Variants in CDKL5 observed in about 807,000 individuals in gnomAD.
CDKL5 encodes the protein cyclin-dependent kinase-like 5.
In CDKL5, 8 loss-of-function variants were observed where a neutral mutation model predicts 61.7. The observed-to-expected ratio is 0.13, with a 90% confidence interval of 0.08 to 0.23. CDKL5 has a LOEUF of 0.23. Ranked by LOEUF, CDKL5 falls within the 10% of genes least tolerant of loss-of-function variation. The probability of loss-of-function intolerance (pLI) is 1.00; values close to 1 mark genes in which losing one functional copy is unlikely to be tolerated. For synonymous variants in CDKL5, 275 were observed against 272.3 expected (o/e 1.01, Z -0.10); for missense variants, 440 against 734.5 (o/e 0.60, Z 4.63).
chrX:18,641,891 T>G (rs1927588802), downstream of CDKL5: 4 of 830,417 alleles, frequency 4.8e-6, no homozygotes, highest in Non-Finnish European at 7.1e-6. Flanking sequence ...AGCACTGCAG[T>G]TACAATTGCT....
chrX:18,570,672 T>C (rs1925109192), intron 4 of CDKL5, among the ~76,000 whole-genome samples: 1 of 112,093 alleles, frequency 8.9e-6, no homozygotes, highest in African/African-American at 3.2e-5. Flanking sequence ...CAGCTATTCC[T>C]GGATTTCCTT....
At chrX:18,641,953 G>A (rs376894507), downstream of CDKL5, 23 of 1,198,261 alleles carry the variant, frequency 1.9e-5, no homozygotes, top group Non-Finnish European at 2.4e-5. Flanking sequence ...GGTCCCCTAC[G>A]GCCCGCTCTG....
chrX:18,564,147 A>G (rs1349003749), intron 3 of CDKL5, among the ~76,000 whole-genome samples: 1 of 111,805 alleles, frequency 8.9e-6, no homozygotes, highest in African/African-American at 3.3e-5. Context: ...GGCAGTACAG[A>G]TGACAGTCTG....
intron 1 of CDKL5, among the ~76,000 whole-genome samples, chrX:18,437,051 C>T (rs1931627723): frequency 9.1e-6 from 1 of 110,475 alleles, no homozygotes; most frequent in African/African-American, 3.3e-5. Flanking sequence ...TGTCCTAAAT[C>T]TCCTGGGAAA....
chrX:18,493,936 G>A (rs1922075136), intron 1 of CDKL5, among the ~76,000 whole-genome samples: 1 of 111,684 alleles, frequency 9.0e-6, no homozygotes, highest in Non-Finnish European at 1.9e-5. Flanking sequence ...ATTTTATTGA[G>A]GCAGGGTCTT....
In CDKL5 at chrX:18,632,998, A is replaced by G; in HGVS notation, c.*4241A>G. 1.3e-6 allele frequency: 1 copy of G among 754,152 alleles called. No homozygotes were observed. Among genetic ancestry groups the G allele is most frequent in the Non-Finnish European group, 1.6e-6 (1 of 639,175 alleles). The allele number at this position is 754,152 out of a possible 1,213,427, so 62.2% of individuals were successfully genotyped here. A position where few individuals can be genotyped will look rare whatever the true frequency, so the allele number is the denominator to read the frequency against. ...TAGAAAGATCTGTCTATTTCTGTTCACCTGGGACCTGGTGGTGACTGAACT... is the reference window on the plus strand; with the variant it reads ...TAGAAAGATCTGTCTATTTCTGTTCGCCTGGGACCTGGTGGTGACTGAACT... On this transcript the variant is annotated 3_prime_UTR_variant, in exon 18 of 18. Transcript: ENST00000623535.
At chrX:18,586,153 C>T (rs914434746) in intron 8 of CDKL5, among the ~76,000 whole-genome samples, 17 of 111,645 alleles carry the variant, frequency 1.5e-4, no homozygotes, top group African/African-American at 5.2e-4. Flanking sequence ...ACTTTATTAT[C>T]TCTTCCATTG....
chrX:18,604,261 C>T lies in CDKL5; in HGVS notation c.1337C>T (p.Ser446Leu), dbSNP rs1926273872. The T allele has an allele frequency of 1.7e-6, 2 of 1,210,341 alleles. No homozygotes were observed. The highest frequency in any genetic ancestry group is 2.2e-6 in the Non-Finnish European group (2 of 895,319). The change falls in exon 12 of 18, where the codon TCA (serine) becomes TTA (leucine). Residue 446 changes from serine (S) to leucine (L), a missense_variant. Coordinates refer to ENST00000623535, the MANE Select transcript of CDKL5 (RefSeq NM_001323289.2). ...AGCAGATCTCAGCAGAACCGCCACT[C>T]ATTCATGGAAAGCTCTCAAAGCAAA... is the stretch of plus-strand genomic sequence containing the variant. ...SNSRSQQNRH[S>L]FMESSQSKAG...
At chrX:18,455,208 C>T (rs1204021136) in intron 1 of CDKL5, among the ~76,000 whole-genome samples, 5 of 111,802 alleles carry the variant, frequency 4.5e-5, no homozygotes, top group Non-Finnish European at 7.5e-5. Context: ...ATAGTTGTCT[C>T]CTGTCTTTTA....
At chrX:18,652,076 A>G in intron 21 of CDKL5, among the ~76,000 whole-genome samples, 1 of 109,610 alleles carries the variant, frequency 9.1e-6, no homozygotes, top group Non-Finnish European at 1.9e-5. Context: ...GGCATACTTC[A>G]CTGCCATCTC....
At chrX:18,496,862 C>T (rs1303653670) in intron 1 of CDKL5, among the ~76,000 whole-genome samples, 1 of 110,694 alleles carries the variant, frequency 9.0e-6, no homozygotes, top group Admixed American at 9.7e-5. Context: ...CTTAGGATCG[C>T]CATCCAAAAA....
chrX:18,649,300 G>C (rs1431480895), intron 20 of CDKL5, among the ~76,000 whole-genome samples: 3 of 111,375 alleles, frequency 2.7e-5, no homozygotes, highest in African/African-American at 9.8e-5. Flanking sequence ...CTGTGGCGCA[G>C]TCATAGCTCT....
chrX:18,629,679 G>A lies in CDKL5; in HGVS notation c.*922G>A, dbSNP rs1927179654. 1.3e-6 allele frequency: 1 copy of A among 753,849 alleles called. No individual in the cohort carries two copies. Among genetic ancestry groups the A allele is most frequent in the Non-Finnish European group, 1.6e-6 (1 of 639,176 alleles). The allele number at this position is 753,849 out of a possible 1,213,427, so 62.1% of individuals were successfully genotyped here. ...CTAGACATGATCCTTGGTAGCAGACGAGATGCAGCATCTCTTTCCAAACCT... is the reference window on the plus strand; with the variant it reads ...CTAGACATGATCCTTGGTAGCAGACAAGATGCAGCATCTCTTTCCAAACCT... On this transcript the variant is annotated 3_prime_UTR_variant, in exon 18 of 18. Transcript: ENST00000623535.
rs182129389 is a variant in CDKL5, at chrX:18,631,532, A to G, written c.*2775A>G. 842 of 753,010 alleles carry G rather than the reference A, an allele frequency of 1.1e-3. No individual in the cohort carries two copies. Among genetic ancestry groups the G allele is most frequent in the Non-Finnish European group, 1.3e-3 (822 of 639,141 alleles). The allele number at this position is 753,010 out of a possible 1,213,427, so 62.1% of individuals were successfully genotyped here. On this transcript the variant is annotated 3_prime_UTR_variant, in exon 18 of 18. Coordinates refer to ENST00000623535, the MANE Select transcript of CDKL5 (RefSeq NM_001323289.2). ...ACTGACATCACAAAGATTGCCATCC[A>G]TGGTAGAAAGGACTTGATTTAAAGT...
chrX:18,625,671 T>C (rs1927018181), intron 17 of CDKL5, among the ~76,000 whole-genome samples: 1 of 112,127 alleles, frequency 8.9e-6, no homozygotes, highest in Admixed American at 9.4e-5. Flanking sequence ...ACAGGTATGA[T>C]AAGTTTTCTT....
intron 1 of CDKL5, among the ~76,000 whole-genome samples, chrX:18,463,209 T>C (rs781425493): frequency 9.3e-6 from 1 of 107,869 alleles, no homozygotes; most frequent in East Asian, 3.0e-4. Context: ...AGGATGGTGG[T>C]GCCTTTAGAA....
In CDKL5 at chrX:18,652,192, AAC is replaced by A. The variant is rs1928077261; in HGVS notation, c.2981-1233_2981-1232del. Among the ~76,000 whole-genome samples the A allele has an allele frequency of 2.7e-5, 3 of 111,455 alleles. No individual in the cohort carries two copies. The South Asian group carries it at 1.1e-3, about 42-fold the overall frequency. Reference sequence around the variant, plus strand: ...GGACAGATGGATGGAGAGATGAATGAACACACACCATCGCCCCATCTTGGGTG... The same window carrying A: ...GGACAGATGGATGGAGAGATGAATGAACACACCATCGCCCCATCTTGGGTG... On this transcript the variant is annotated intron_variant, in intron 21 of 21. Coordinates refer to the CDKL5 transcript ENST00000379989.
chrX:18,528,061 T>A (rs777891589), intron 3 of CDKL5, among the ~76,000 whole-genome samples: 1 of 111,354 alleles, frequency 9.0e-6, no homozygotes, highest in African/African-American at 3.3e-5. Context: ...GCATACTTAG[T>A]ATGATAGCTA....
At chrX:18,433,261 A>G (rs1931538711) in intron 1 of CDKL5, among the ~76,000 whole-genome samples, 1 of 100,877 alleles carries the variant, frequency 9.9e-6, no homozygotes, top group Admixed American at 1.1e-4. Flanking sequence ...GAAAAAAAAT[A>G]CACTTCTCGG....
Sources: allele counts gnomAD v4.1 joint callset (sites outside exome capture counted in the v4.1 genomes callset), GRCh38; gene constraint gnomAD v4.1.1; transcripts MANE v1.5; gene names NCBI Gene and HGNC (gene_info 2026-07-23, HGNC 2026-07-21).